The following MGAT5B variants were observed in gnomAD, a reference collection of about 807,000 sequenced individuals.
MGAT5B encodes alpha-1,6-mannosylglycoprotein 6-beta-N-acetylglucosaminyltransferase B, also known as N-acetylglucosaminyl-transferase Vb.
In MGAT5B, 54 loss-of-function variants were observed where a neutral mutation model predicts 95.1. The ratio of observed to expected loss-of-function variants is 0.57; its 90% CI spans 0.46 to 0.71. The LOEUF (loss-of-function observed/expected upper bound fraction) is 0.71, where lower values mean the gene tolerates loss of function less well. Among genes scored for constraint, MGAT5B ranks in the 30% least tolerant of loss-of-function variants. MGAT5B has a pLI of 0.00. For missense variants in MGAT5B, 935 were observed against 1,088.6 expected (o/e 0.86, Z 1.99); for synonymous variants, 464 against 451.0 (o/e 1.03, Z -0.36).
intron 2 of MGAT5B, among the ~76,000 whole-genome samples, chr17:76,873,536 C>T (rs1233003067): frequency 2.0e-5 from 3 of 152,224 alleles, no homozygotes; most frequent in Admixed American, 2.0e-4. Context: ...GGCTGAGTCA[C>T]CTGGCTTCCC....
In MGAT5B at chr17:76,902,632, A is replaced by T; in HGVS notation, c.407A>T (p.Asp136Val). Residue 136 changes from aspartate to valine, a missense_variant, in exon 4 of 18, where the codon GAC (aspartate) becomes GTC (valine). Transcript: ENST00000569840. Reference sequence around the variant, plus strand: ...GTCTCCGACATCGCTGTGAAGGTGGACCAGATCCTGCGCCACAGTCTGCTC... The same window carrying T: ...GTCTCCGACATCGCTGTGAAGGTGGTCCAGATCCTGCGCCACAGTCTGCTC... ...QNVSDIAVKV[D>V]QILRHSLLLH... 1.2e-6 allele frequency: 2 copies of T among 1,601,074 alleles called. No individual in the cohort carries two copies. The highest frequency in any genetic ancestry group is 1.7e-6 in the Non-Finnish European group (2 of 1,173,636).
chr17:76,925,972 G>A (rs2145240763), intron 9 of MGAT5B, among the ~76,000 whole-genome samples: 1 of 152,270 alleles, frequency 6.6e-6, no homozygotes, highest in East Asian at 1.9e-4. Context: ...ACCCCTCTGG[G>A]TTTTGAACTT....
At chr17:76,898,069 T>A (rs912679480) in intron 3 of MGAT5B, among the ~76,000 whole-genome samples, 1 of 131,404 alleles carries the variant, frequency 7.6e-6, no homozygotes, top group African/African-American at 3.9e-5. Flanking sequence ...AAAAAAAAAG[T>A]TTATTGAGGT....
At chr17:76,933,602 G>A (rs1225190694) in intron 12 of MGAT5B, among the ~76,000 whole-genome samples, 1 of 152,132 alleles carries the variant, frequency 6.6e-6, no homozygotes, top group African/African-American at 2.4e-5. Flanking sequence ...ACATCAAGCA[G>A]GTGGCATGAG....
intron 8 of MGAT5B, among the ~76,000 whole-genome samples, chr17:76,911,797 A>C (rs1299147715): frequency 6.6e-6 from 1 of 152,192 alleles, no homozygotes; most frequent in African/African-American, 2.4e-5. Flanking sequence ...TAGAGCTGCC[A>C]TAACAATGGA....
rs1318927697 is a variant in MGAT5B at position 76,869,544 on chromosome 17, T to A, written c.68+447T>A. On this transcript the variant is annotated intron_variant, in intron 1 of 17. Transcript: ENST00000569840. This position sits in a 1 kb window ranked among gnomAD's most constrained non-coding sequence, Gnocchi z 7.0. ...CCCGCCCGTCTGCCCCTAGGTCGGC[T>A]ACCCCCCAACCCCTCCGCCTGTGCC... Among the ~76,000 whole-genome samples, 1 of 152,026 alleles carries A rather than the reference T, an allele frequency of 6.6e-6. No individual in the cohort carries two copies. The highest frequency in any genetic ancestry group is 1.5e-5 in the Non-Finnish European group (1 of 67,966).
At position 76,926,587 on chromosome 17, in the gene MGAT5B, G is replaced by C. The variant is rs540644118; in HGVS notation, c.1158-10G>C. ...TGCTGACCCTGGTTCCTGGTCCCCTGGGGGGGCAGGTGCCGAATCAGGGTC... is the reference window on the plus strand; with the variant it reads ...TGCTGACCCTGGTTCCTGGTCCCCTCGGGGGGCAGGTGCCGAATCAGGGTC... On this transcript the variant is annotated splice_polypyrimidine_tract_variant and intron_variant, in intron 9 of 17. Coordinates refer to ENST00000569840, the MANE Select transcript of MGAT5B (RefSeq NM_001199172.2). 1.2e-5 allele frequency: 19 copies of C among 1,600,966 alleles called. No individual in the cohort carries two copies. Among genetic ancestry groups the C allele is most frequent in the South Asian group, 3.3e-5 (3 of 90,062 alleles).
At chr17:76,929,987 G>A (rs1439044689) in intron 10 of MGAT5B, among the ~76,000 whole-genome samples, 1 of 152,172 alleles carries the variant, frequency 6.6e-6, no homozygotes, top group East Asian at 1.9e-4. Flanking sequence ...AGAGGGCTGG[G>A]TGGCAGTCTT....
In MGAT5B at chr17:76,869,950, AG is replaced by A. The variant is rs1226473991; in HGVS notation, c.68+858del. Among the ~76,000 whole-genome samples, 2 of 151,736 alleles carry A rather than the reference AG, an allele frequency of 1.3e-5. No homozygotes were observed. The highest frequency in any genetic ancestry group is 2.9e-5 in the Non-Finnish European group (2 of 67,862). On this transcript the variant is annotated intron_variant, in intron 1 of 17. Coordinates refer to ENST00000569840, the MANE Select transcript of MGAT5B (RefSeq NM_001199172.2). This position sits in a 1 kb window ranked among gnomAD's most constrained non-coding sequence, Gnocchi z 7.0. Reference sequence around the variant, plus strand: ...GGAACCGGCCCGCAGCGGGGTGGGGAGGGGGCGCTGCCCAGTGGACGCCCGG... The same window carrying A: ...GGAACCGGCCCGCAGCGGGGTGGGGAGGGGCGCTGCCCAGTGGACGCCCGG...
At chr17:76,932,616 C>T in intron 10 of MGAT5B, 29 bp from the exon 11 acceptor site, 1 of 1,612,408 alleles carries the variant, frequency 6.2e-7, no homozygotes, top group Non-Finnish European at 8.5e-7. Flanking sequence ...GTTTGGTGAC[C>T]CCATTCCTTC....
intron 8 of MGAT5B, among the ~76,000 whole-genome samples, chr17:76,913,408 C>T (rs986710529): frequency 2.6e-5 from 4 of 152,214 alleles, no homozygotes; most frequent in Non-Finnish European, 4.4e-5. Context: ...ACCTGGGCAG[C>T]TCAAACCAGC....
chr17:76,930,439 G>C lies in MGAT5B; in HGVS notation c.1292-2206G>C, dbSNP rs1030984047. Among the ~76,000 whole-genome samples the C allele has an allele frequency of 3.3e-5, 5 of 152,266 alleles. No homozygotes were observed. Among genetic ancestry groups the C allele is most frequent in the African/African-American group, 1.2e-4 (5 of 41,536 alleles). ...GTATTTAGAATCAAGGCTGTTGTGG[G>C]AAATCAAGGCTGGGCAGCTGCTCCC... On this transcript the variant is annotated intron_variant, in intron 10 of 17. Transcript: ENST00000569840. The surrounding 1 kb of genome is among the most constrained non-coding windows in gnomAD (Gnocchi z 4.1).
rs551629931 is a variant in MGAT5B at position 76,910,797 on chromosome 17, G to A, written c.1025+4610G>A. Among the ~76,000 whole-genome samples the A allele has an allele frequency of 1.2e-3, 182 of 152,336 alleles. 1 individual carries two copies. Among genetic ancestry groups the A allele is most frequent in the African/African-American group, 4.0e-3 (168 of 41,574 alleles). Reference sequence around the variant, plus strand: ...ATGGGCAGGCCCAGGGCTGTGCTCCGATGCCCTGGCCCTTGGTCCCCTGTG... The same window carrying A: ...ATGGGCAGGCCCAGGGCTGTGCTCCAATGCCCTGGCCCTTGGTCCCCTGTG... On this transcript the variant is annotated intron_variant, in intron 8 of 17. Transcript: ENST00000569840.
intron 3 of MGAT5B, among the ~76,000 whole-genome samples, chr17:76,887,638 C>G (rs1967706249): frequency 6.6e-6 from 1 of 150,642 alleles, no homozygotes; most frequent in African/African-American, 2.4e-5. Context: ...ACTGCACCCT[C>G]CGCCTCCAGG....
intron 3 of MGAT5B, among the ~76,000 whole-genome samples, chr17:76,899,252 G>C (rs1450287440): frequency 1.3e-5 from 2 of 152,138 alleles, no homozygotes; most frequent in East Asian, 3.8e-4. Flanking sequence ...TCCATTTTGC[G>C]TGCCTCCTGT....
At chr17:76,900,732 A>C (rs1362610334) in intron 3 of MGAT5B, among the ~76,000 whole-genome samples, 1 of 152,236 alleles carries the variant, frequency 6.6e-6, no homozygotes, top group Non-Finnish European at 1.5e-5. Context: ...TGGTTTGTGG[A>C]AATTATTGCA....
intron 8 of MGAT5B, chr17:76,913,551 C>CA (rs1567810182): frequency 1.3e-5 from 5 of 373,870 alleles, no homozygotes; most frequent in Non-Finnish European, 5.4e-6. Flanking sequence ...GGCATGGAGA[C>CA]AGGGTCTTGG....
intron 8 of MGAT5B, chr17:76,923,857 T>G (rs1331674398): frequency 6.6e-6 from 1 of 152,272 alleles, no homozygotes; most frequent in African/African-American, 2.4e-5. Context: ...GACCGGGTTC[T>G]GCATGCATTC....
chr17:76,921,893 G>T (rs1392531758), intron 8 of MGAT5B, among the ~76,000 whole-genome samples: 1 of 152,198 alleles, frequency 6.6e-6, no homozygotes, highest in African/African-American at 2.4e-5. Context: ...ATGAGAATGG[G>T]TCTGATCTGG....
Sources: gnomAD v4.1 joint callset for allele counts (sites outside exome capture counted in the v4.1 genomes callset) on GRCh38, gnomAD v4.1.1 for gene constraint, Gnocchi (gnomAD v3.1) non-coding constraint, MANE v1.5 for transcripts, NCBI Gene and HGNC (gene_info 2026-07-23, HGNC 2026-07-21) for gene names.